The following IL1R1 variants were observed in gnomAD, a reference collection of about 807,000 sequenced individuals.
The protein encoded by IL1R1 is interleukin-1 receptor type 1.
In IL1R1, 22 loss-of-function variants were observed where a neutral mutation model predicts 50.2. The observed-to-expected ratio is 0.44, with a 90% CI of 0.31 to 0.63. The LOEUF is 0.63. IL1R1 is among the 20% of genes least tolerant of loss of function. The pLI is 0.07. For synonymous variants in IL1R1, 251 were observed against 236.7 expected, an observed-to-expected ratio of 1.06 and a Z score of -0.55; for missense variants, 509 against 676.2, an observed-to-expected ratio of 0.75 and a Z score of 2.74.
At chr2:102,101,118 G>A (rs1189123291), upstream of IL1R1, among the ~76,000 whole-genome samples, 2 of 152,214 alleles carry the variant, frequency 1.3e-5, no homozygotes, top group African/African-American at 4.8e-5. Flanking sequence ...AGAAAGCTTA[G>A]TCAAATATAG....
chr2:102,101,953 C>T (rs775245024), upstream of IL1R1, among the ~76,000 whole-genome samples: 2 of 151,992 alleles, frequency 1.3e-5, no homozygotes, highest in Non-Finnish European at 2.9e-5. Flanking sequence ...CTGACAAAAC[C>T]CAGGCAAAAG....
At chr2:102,143,808 C>T (rs981556645) in intron 1 of IL1R1, among the ~76,000 whole-genome samples, 1 of 152,242 alleles carries the variant, frequency 6.6e-6, no homozygotes, top group Non-Finnish European at 1.5e-5. Flanking sequence ...TGGGCTGTCT[C>T]TCCACTGCCT....
At chr2:102,110,319 C>T (rs918713157) in intron 1 of IL1R1, among the ~76,000 whole-genome samples, 5 of 152,102 alleles carry the variant, frequency 3.3e-5, no homozygotes, top group East Asian at 3.8e-4. Flanking sequence ...AGCCTGCCCT[C>T]GTAATTTTGC....
chr2:102,147,272 AT>A (rs1361932834), intron 1 of IL1R1, among the ~76,000 whole-genome samples: 1 of 152,212 alleles, frequency 6.6e-6, no homozygotes, highest in African/African-American at 2.4e-5. Flanking sequence ...ATTTACCCCA[AT>A]AAAAAAATTA....
intron 1 of IL1R1, among the ~76,000 whole-genome samples, chr2:102,077,356 C>A (rs893413825): frequency 1.3e-5 from 2 of 152,192 alleles, no homozygotes; most frequent in Non-Finnish European, 2.9e-5. Context: ...TAGGTGTGAG[C>A]CGTGGCACCC....
intron 1 of IL1R1, among the ~76,000 whole-genome samples, chr2:102,087,925 A>G (rs1338986893): frequency 2.0e-5 from 3 of 152,234 alleles, no homozygotes; most frequent in Non-Finnish European, 2.9e-5. Context: ...TTGCTCAACC[A>G]TAAGAAACAA....
intron 3 of IL1R1, among the ~76,000 whole-genome samples, chr2:102,158,222 T>G (rs1684379226): frequency 6.6e-6 from 1 of 152,242 alleles, no homozygotes; most frequent in Non-Finnish European, 1.5e-5. Flanking sequence ...TTCTTCATTT[T>G]CTCTAATCTT....
intron 7 of IL1R1, among the ~76,000 whole-genome samples, chr2:102,171,530 A>T (rs1685673341): frequency 6.6e-6 from 1 of 152,200 alleles, no homozygotes; most frequent in African/African-American, 2.4e-5. Context: ...TGGAAGACAA[A>T]TCATGTGGGC....
chr2:102,073,114 G>A (rs376826583), intron 1 of IL1R1, among the ~76,000 whole-genome samples: 25 of 152,240 alleles, frequency 1.6e-4, no homozygotes, highest in Non-Finnish European at 2.2e-4. Context: ...AGTAAAAGGC[G>A]GATTCCCAAG....
chr2:102,125,204 G>A (rs1681636924), intron 1 of IL1R1, among the ~76,000 whole-genome samples: 2 of 152,196 alleles, frequency 1.3e-5, no homozygotes, highest in South Asian at 4.1e-4. Context: ...ACTCTGTAGA[G>A]TGTCTTGCTA....
At chr2:102,132,228 C>A (rs147608617) in intron 1 of IL1R1, among the ~76,000 whole-genome samples, 3 of 151,192 alleles carry the variant, frequency 2.0e-5, no homozygotes, top group Non-Finnish European at 4.4e-5. Context: ...AGATGGAGAT[C>A]TGGATCTATC....
At chr2:102,097,498 C>G (rs1679956270) in intron 1 of IL1R1, among the ~76,000 whole-genome samples, 1 of 151,954 alleles carries the variant, frequency 6.6e-6, no homozygotes, top group African/African-American at 2.4e-5. Flanking sequence ...TTGTACAAGT[C>G]CCTCATCTAG....
intron 1 of IL1R1, among the ~76,000 whole-genome samples, chr2:102,073,221 C>T (rs1196457759): frequency 4.6e-5 from 7 of 152,132 alleles, no homozygotes; most frequent in African/African-American, 1.7e-4. Context: ...GGGTTCAGGG[C>T]ATCATTCTGG....
chr2:102,132,246 T>C (rs1463125547), intron 1 of IL1R1, among the ~76,000 whole-genome samples: 2 of 151,254 alleles, frequency 1.3e-5, no homozygotes, highest in Non-Finnish European at 2.9e-5. Context: ...ATCCAAAGGA[T>C]AGAGCACCAG....
At chr2:102,094,868 C>A (rs1171683052) in intron 1 of IL1R1, among the ~76,000 whole-genome samples, 1 of 151,782 alleles carries the variant, frequency 6.6e-6, no homozygotes, top group East Asian at 1.9e-4. Flanking sequence ...TGTATATTTC[C>A]ATTGATATAA....
intron 1 of IL1R1, among the ~76,000 whole-genome samples, chr2:102,098,845 T>C (rs760036532): frequency 1.3e-5 from 2 of 152,212 alleles, no homozygotes; most frequent in Non-Finnish European, 2.9e-5. Context: ...TTTGTACTAA[T>C]GAGAACCTTT....
At chr2:102,080,612 T>C (rs2104287219) in intron 1 of IL1R1, among the ~76,000 whole-genome samples, 1 of 152,338 alleles carries the variant, frequency 6.6e-6, no homozygotes, top group South Asian at 2.1e-4. Context: ...CATTTATTAC[T>C]GGAAGGAATG....
At chr2:102,170,506 G>T (rs1464752648) in intron 7 of IL1R1, among the ~76,000 whole-genome samples, 1 of 151,812 alleles carries the variant, frequency 6.6e-6, no homozygotes, top group African/African-American at 2.4e-5. Context: ...AAAATTCCCG[G>T]GAAAAACTAG....
At position 102,127,893 on chromosome 2, in the gene IL1R1, A is replaced by G. The variant is rs570839820; in HGVS notation, c.-84+23021A>G. On this transcript the variant is annotated intron_variant, in intron 1 of 10. Transcript: ENST00000409329. ...TGAAGAGAAACAAAACCACTTTCAC[A>G]TGGCAATAATTAAATTTCTGAGTTT... 3.3e-5 allele frequency among the ~76,000 whole-genome samples: 5 copies of G among 152,346 alleles called. No homozygotes were observed. In the South Asian group the frequency reaches 6.2e-4, roughly 19 times the overall value.
Sources: allele counts gnomAD v4.1 joint callset (sites outside exome capture counted in the v4.1 genomes callset), GRCh38; gene constraint gnomAD v4.1.1; transcripts MANE v1.5; gene names NCBI Gene and HGNC (gene_info 2026-07-23, HGNC 2026-07-21).